The following BCL2L13 variants were observed in gnomAD, a reference collection of about 807,000 sequenced individuals.
BCL2L13 encodes the protein bcl-2-like protein 13.
Under a neutral mutation model 25.8 loss-of-function variants are expected in BCL2L13, and 13 were observed. That is an observed-to-expected ratio of 0.50 (90% CI 0.33 to 0.80). The LOEUF (loss-of-function observed/expected upper bound fraction) is 0.80. Ranked by LOEUF, BCL2L13 falls within the 30% of genes least tolerant of loss-of-function variation. The pLI, the probability that BCL2L13 is intolerant of heterozygous loss-of-function variation, is 0.02. For synonymous variants in BCL2L13, 244 were observed against 230.3 expected (o/e 1.06, Z -0.54); for missense variants, 504 against 574.9 (o/e 0.88, Z 1.26).
chr22:17,679,470 A>G (rs2059671542), intron 2 of BCL2L13, among the ~76,000 whole-genome samples: 1 of 151,666 alleles, frequency 6.6e-6, no homozygotes, highest in African/African-American at 2.4e-5. Flanking sequence ...GGATTTCACC[A>G]TGTTGGCCAG....
At chr22:17,724,971 C>A (rs2061255234) in intron 6 of BCL2L13, among the ~76,000 whole-genome samples, 1 of 152,192 alleles carries the variant, frequency 6.6e-6, no homozygotes, top group South Asian at 2.1e-4. Context: ...CTAGTAAATT[C>A]TGTAAGAATA....
intron 2 of BCL2L13, among the ~76,000 whole-genome samples, chr22:17,680,511 CAAAAAAAAAAAAAAAAAA>C: frequency 7.5e-5 from 1 of 13,364 alleles, no homozygotes; most frequent in African/African-American, 3.0e-4. Flanking sequence ...GACTCTGTCT[CAAAAAAAAAAAAAAAAAA>C]AAAAAAAAAA....
chr22:17,675,731 C>T (rs779123362), intron 2 of BCL2L13, among the ~76,000 whole-genome samples: 1 of 152,214 alleles, frequency 6.6e-6, no homozygotes, highest in Non-Finnish European at 1.5e-5. Flanking sequence ...TGCAGAACAT[C>T]TGGTATTCAG....
At chr22:17,676,126 A>G (rs899045686) in intron 2 of BCL2L13, among the ~76,000 whole-genome samples, 2 of 152,156 alleles carry the variant, frequency 1.3e-5, no homozygotes, top group Non-Finnish European at 2.9e-5. Flanking sequence ...CATTTATCTC[A>G]TTACTCTTCA....
At chr22:17,648,241 G>C (rs1274110314) in intron 1 of BCL2L13, among the ~76,000 whole-genome samples, 1 of 152,122 alleles carries the variant, frequency 6.6e-6, no homozygotes, top group Non-Finnish European at 1.5e-5. Flanking sequence ...CCCTGTAGTA[G>C]TGCTGTGGAG....
intron 6 of BCL2L13, among the ~76,000 whole-genome samples, chr22:17,725,629 T>C (rs1209108768): frequency 6.6e-6 from 1 of 152,222 alleles, no homozygotes; most frequent in East Asian, 1.9e-4. Flanking sequence ...TATACCCTAC[T>C]AAGTGATAAA....
intron 1 of BCL2L13, 81 bp downstream of exon 1, chr22:17,638,967 T>C (rs1169656580): frequency 1.8e-6 from 2 of 1,129,718 alleles, no homozygotes; most frequent in Non-Finnish European, 1.1e-6. Context: ...CCAGAGACCG[T>C]ATCGAGCCAC....
At chr22:17,677,277 A>G (rs113053410) in intron 2 of BCL2L13, among the ~76,000 whole-genome samples, 9 of 152,388 alleles carry the variant, frequency 5.9e-5, no homozygotes, top group African/African-American at 2.2e-4. Context: ...AAAGTAGAAA[A>G]TGAATCAGAA....
chr22:17,677,878 CA>C (rs544156151), intron 2 of BCL2L13, among the ~76,000 whole-genome samples: 61 of 148,202 alleles, frequency 4.1e-4, no homozygotes, highest in East Asian at 3.7e-3. Context: ...AAAAAAAAAA[CA>C]AAAAAACCCC....
At chr22:17,687,002 G>C (rs2059961263) in intron 3 of BCL2L13, among the ~76,000 whole-genome samples, 3 of 152,012 alleles carry the variant, frequency 2.0e-5, no homozygotes, top group African/African-American at 7.3e-5. Flanking sequence ...ATGCTCTCCA[G>C]CTTGCTCAAA....
intron 2 of BCL2L13, among the ~76,000 whole-genome samples, chr22:17,668,789 CA>C (rs1411689281): frequency 6.6e-6 from 1 of 152,022 alleles, no homozygotes; most frequent in Non-Finnish European, 1.5e-5. Context: ...TTAATTTTTA[CA>C]TATGGTTTGA....
At chr22:17,656,520 G>C (rs1460559921) in intron 2 of BCL2L13, among the ~76,000 whole-genome samples, 1 of 150,418 alleles carries the variant, frequency 6.6e-6, no homozygotes, top group Non-Finnish European at 1.5e-5. Flanking sequence ...GCTAATTTTT[G>C]TATTTTTAGT....
intron 4 of BCL2L13, chr22:17,692,389 A>C (rs1040333244): frequency 2.0e-5 from 3 of 152,196 alleles, no homozygotes; most frequent in Non-Finnish European, 2.9e-5. Context: ...TGGTAGACAA[A>C]CAACCAGTAA....
intron 6 of BCL2L13, among the ~76,000 whole-genome samples, chr22:17,719,957 T>A (rs1236793243): frequency 6.6e-6 from 1 of 152,098 alleles, no homozygotes; most frequent in African/African-American, 2.4e-5. Context: ...CATTTCTACT[T>A]CTCAGAATAG....
At chr22:17,710,977 C>G (rs941725701) in intron 6 of BCL2L13, among the ~76,000 whole-genome samples, 1 of 152,152 alleles carries the variant, frequency 6.6e-6, no homozygotes, top group African/African-American at 2.4e-5. Context: ...GATCTAATGT[C>G]TTAGATGAGA....
chr22:17,654,279 A>C (rs2058778299), intron 1 of BCL2L13, among the ~76,000 whole-genome samples: 1 of 151,770 alleles, frequency 6.6e-6, no homozygotes, highest in Admixed American at 6.6e-5. Flanking sequence ...AATTTTTAAC[A>C]TTTATTTAGA....
At chr22:17,697,797 C>G (rs1336356142) in intron 5 of BCL2L13, among the ~76,000 whole-genome samples, 1 of 152,010 alleles carries the variant, frequency 6.6e-6, no homozygotes, top group Non-Finnish European at 1.5e-5. Flanking sequence ...AAAATATTCT[C>G]TCTGATATAG....
chr22:17,716,788 C>T (rs917559200), intron 6 of BCL2L13, among the ~76,000 whole-genome samples: 2 of 152,010 alleles, frequency 1.3e-5, no homozygotes, highest in South Asian at 2.1e-4. Flanking sequence ...ATGTAATGGC[C>T]GGATGGTACC....
In BCL2L13 at chr22:17,659,639, C is replaced by T. The variant is rs995392962; in HGVS notation, c.121+3807C>T. Among the ~76,000 whole-genome samples the T allele has an allele frequency of 2.1e-5, 3 of 143,444 alleles. No homozygotes were observed. In the Admixed American group the frequency reaches 2.1e-4, roughly 10 times the overall value. The allele number at this position is 143,444 out of a possible 152,430, so 94.1% of individuals were successfully genotyped here. A position where few individuals can be genotyped will look rare whatever the true frequency, so the allele number is the denominator to read the frequency against. Reference sequence around the variant, plus strand: ...TCATGCCACTGCACTCCAGCCTGGGCGACAGAACGAGACTCCGTCAAAAAA... The same window carrying T: ...TCATGCCACTGCACTCCAGCCTGGGTGACAGAACGAGACTCCGTCAAAAAA... On this transcript the variant is annotated intron_variant, in intron 2 of 6. Coordinates refer to ENST00000317582, the MANE Select transcript of BCL2L13 (RefSeq NM_015367.4).
Sources: allele counts gnomAD v4.1 joint callset (sites outside exome capture counted in the v4.1 genomes callset), GRCh38; gene constraint gnomAD v4.1.1; transcripts MANE v1.5; gene names NCBI Gene and HGNC (gene_info 2026-07-23, HGNC 2026-07-21).